Variants in TSKS observed in about 807,000 individuals in gnomAD.
TSKS encodes testis specific serine kinase substrate.
TSKS carries 27 observed loss-of-function variants against 68.0 expected under a neutral mutation model. The ratio of observed to expected loss-of-function variants is 0.40; its 90% CI spans 0.29 to 0.55. The LOEUF (loss-of-function observed/expected upper bound fraction) is 0.55, where lower values mean the gene tolerates loss of function less well. TSKS is among the 20% of genes least tolerant of loss of function. The pLI is 0.53. For synonymous variants in TSKS, 331 were observed against 340.4 expected (o/e 0.97, Z 0.30); for missense variants, 806 against 776.0 (o/e 1.04, Z -0.46).
chr19:49,759,468 C>CAAA lies in TSKS; in HGVS notation c.399+2533_399+2535dup, dbSNP rs557013917. 6.9e-3 allele frequency among the ~76,000 whole-genome samples: 730 copies of CAAA among 105,436 alleles called. 10 individuals carry two copies. Among genetic ancestry groups the CAAA allele is most frequent in the African/African-American group, 0.023 (676 of 28,910 alleles). The allele number at this position is 105,436 out of a possible 152,430, so 69.2% of individuals were successfully genotyped here. On this transcript the variant is annotated intron_variant, in intron 2 of 10. Transcript: ENST00000246801. ...TGGCAACAGAGCGAGACTCCATTTC[C>CAAA]AAAAAAAAAAAAAAAAAATTACCTG... is the stretch of plus-strand genomic sequence containing the variant.
intron 6 of TSKS, 96 bp downstream of exon 6, chr19:49,746,374 C>T (rs1197481647): frequency 3.5e-6 from 5 of 1,439,990 alleles, no homozygotes; most frequent in East Asian, 2.4e-5. Flanking sequence ...TGAGAACCCC[C>T]GTCCCTTGGG....
In TSKS at chr19:49,762,167, C is replaced by T; in HGVS notation, c.236G>A (p.Cys79Tyr). The T allele has an allele frequency of 6.2e-7, 1 of 1,614,080 alleles. No individual in the cohort carries two copies. The highest frequency in any genetic ancestry group is 8.5e-7 in the Non-Finnish European group (1 of 1,180,024). Residue 79 changes from cysteine (C) to tyrosine (Y), a missense_variant, in exon 2 of 11, where the codon TGC becomes TAC. Cys to Tyr is a radical substitution (Grantham distance 194, BLOSUM62 -2). Transcript: ENST00000246801. Reference protein sequence around the residue: ...WCLNLKRSSACTNVSLLNLAA... With the variant: ...WCLNLKRSSAYTNVSLLNLAA... ...CAGGTTGAGCAGTGACACGTTGGTG[C>T]AGGCCGAGGACCGTTTGAGGTTCAG...
chr19:49,754,566 A>G (rs1279460835), intron 2 of TSKS, among the ~76,000 whole-genome samples: 2 of 152,160 alleles, frequency 1.3e-5, no homozygotes, highest in African/African-American at 4.8e-5. Context: ...AAAGAAAAAA[A>G]ACTATGGCCT....
chr19:49,744,093 G>A (rs2084275455), intron 8 of TSKS, 138 bp downstream of exon 8: 1 of 840,196 alleles, frequency 1.2e-6, no homozygotes, highest in Non-Finnish European at 1.9e-6. Context: ...AGCAGGACCG[G>A]CTGTTTCTAC....
Position 49,744,323 on chromosome 19 carries a change from C to A in TSKS, c.1269G>T (p.Glu423Asp), listed in dbSNP as rs150822760. 1.2e-6 allele frequency: 2 copies of A among 1,614,142 alleles called. No individual in the cohort carries two copies. The highest frequency in any genetic ancestry group is 1.7e-6 in the Non-Finnish European group (2 of 1,180,024). Reference protein sequence around the residue: ...GLGPLKPILEEFGRQFQNSRR... With the variant: ...GLGPLKPILEDFGRQFQNSRR... ...GAGAGTTCTGAAATTGCCGCCCGAA[C>A]TCCTCCAGAATGGGTTTCAGTGGGC... The change falls in exon 8 of 11, where the codon GAG (glutamate) becomes GAT (aspartate). Residue 423 changes from glutamate to aspartate, a missense_variant. Glu to Asp is a conservative substitution (Grantham distance 45). Transcript: ENST00000246801.
chr19:49,747,565 T>G, intron 4 of TSKS, 93 bp from the exon 5 acceptor site: 1 of 1,271,524 alleles, frequency 7.9e-7, no homozygotes, highest in Non-Finnish European at 1.1e-6. Context: ...GCTCCAGGCC[T>G]CCTAGCCCCC....
rs115871808 is a variant in TSKS, at chr19:49,748,069, C to T, written c.579+16G>A. 2,543 of 1,612,538 alleles carry T rather than the reference C, an allele frequency of 1.6e-3. 37 individuals carry two copies. The African/African-American group carries it at 0.028, about 18-fold the overall frequency. On this transcript the variant is annotated intron_variant, in intron 4 of 10. Transcript: ENST00000246801. ...ATTCCCCTCTCCCCATCCATTCCTG[C>T]GTCCCACTGGCTCACCTTGAGTTGA...
intron 2 of TSKS, among the ~76,000 whole-genome samples, chr19:49,752,398 A>C (rs962820000): frequency 4.6e-5 from 7 of 151,898 alleles, no homozygotes; most frequent in Non-Finnish European, 1.0e-4. Flanking sequence ...AAAAAAAAAA[A>C]AAAAACTTGT....
intron 2 of TSKS, among the ~76,000 whole-genome samples, chr19:49,761,590 G>A (rs1044639043): frequency 2.6e-5 from 4 of 152,150 alleles, no homozygotes; most frequent in Non-Finnish European, 4.4e-5. Context: ...CACCAGACTG[G>A]GAGCTCCCCA....
rs548654975 is a variant in TSKS, at chr19:49,740,123, G to C, written c.1558C>G (p.Arg520Gly). 1 of 1,614,156 alleles carries C rather than the reference G, an allele frequency of 6.2e-7. No homozygotes were observed. Among genetic ancestry groups the C allele is most frequent in the Admixed American group, 1.7e-5 (1 of 60,010 alleles). The change falls in exon 10 of 11, where the codon CGG becomes GGG. Residue 520 changes from arginine (R) to glycine (G), a missense_variant. Physicochemically the swap from Arg to Gly is moderately radical, Grantham distance 125. Coordinates refer to ENST00000246801, the MANE Select transcript of TSKS (RefSeq NM_021733.2). ...CGCAGGGCCTCGTCTTGGGCCAGCC[G>C]AAGGGTGGAGCTCAGGGCCTCTGCC... ...VRAEALSSTLRLAQDEALRAK... is the reference protein window; with the variant it reads ...VRAEALSSTLGLAQDEALRAK...
chr19:49,740,172 G>T lies in TSKS; in HGVS notation c.1509C>A (p.Arg503=). 1.2e-6 allele frequency: 2 copies of T among 1,612,908 alleles called. No homozygotes were observed. Among genetic ancestry groups the T allele is most frequent in the Non-Finnish European group, 1.7e-6 (2 of 1,179,796 alleles). The change falls in exon 10 of 11, where the codon CGC becomes CGA. Residue 503 remains arginine (R), a synonymous_variant. Coordinates refer to ENST00000246801, the MANE Select transcript of TSKS (RefSeq NM_021733.2). Reference sequence around the variant, plus strand: ...CCCTGACGTGTTTGGCTAAGGCCTGGCGCTCCAGCTCCTGGGGAGAGGAGC... The same window carrying T: ...CCCTGACGTGTTTGGCTAAGGCCTGTCGCTCCAGCTCCTGGGGAGAGGAGC... ...RLHKKILELE[R]QALAKHVRAE...
chr19:49,745,460 CGA>C, intron 6 of TSKS, 64 bp from the exon 7 acceptor site: 1 of 1,347,824 alleles, frequency 7.4e-7, no homozygotes, highest in East Asian at 2.6e-5. Flanking sequence ...CCTACCCCCA[CGA>C]GATAGGTGGG....
Position 49,745,085 on chromosome 19 carries a change from T to A in TSKS, c.1187+117A>T, listed in dbSNP as rs2123604131. The stretch of plus-strand genomic sequence containing the variant: ...ATTGGTGTTTCCCGATGTCGGTATA[T>A]GTTCCGGAATGCCTGGCCATAGCTG... On this transcript the variant is annotated intron_variant, in intron 7 of 10. Coordinates refer to ENST00000246801, the MANE Select transcript of TSKS (RefSeq NM_021733.2). 3 of 1,006,056 alleles carry A rather than the reference T, an allele frequency of 3.0e-6. No homozygotes were observed. In the East Asian group the frequency reaches 8.0e-5, roughly 27 times the overall value. The allele number at this position is 1,006,056 out of a possible 1,614,324, so 62.3% of individuals were successfully genotyped here. A position where few individuals can be genotyped will look rare whatever the true frequency, so the allele number is the denominator to read the frequency against.
chr19:49,742,496 C>CTTTTTT (rs978089309), intron 8 of TSKS, among the ~76,000 whole-genome samples: 3 of 101,218 alleles, frequency 3.0e-5, no homozygotes, highest in Admixed American at 1.1e-4. Context: ...GGGCCCGGCC[C>CTTTTTT]TTTTTTTTTT....
In TSKS at chr19:49,741,972, T is replaced by C; in HGVS notation, c.1410A>G (p.Arg470=). Residue 470 remains arginine (R), a synonymous_variant, in exon 9 of 11, where the codon CGA becomes CGG. Coordinates refer to ENST00000246801, the MANE Select transcript of TSKS (RefSeq NM_021733.2). ...CCTCGTCCACTAGTGAGGTCAGTGCTCGGTCCAGCAGCTGCTGCAGGGACT... is the reference window on the plus strand; with the variant it reads ...CCTCGTCCACTAGTGAGGTCAGTGCCCGGTCCAGCAGCTGCTGCAGGGACT... ...STESLQQLLD[R]ALTSLVDEVK... is the part of the protein sequence containing the mutation. The C allele has an allele frequency of 6.2e-7, 1 of 1,614,154 alleles. No individual in the cohort carries two copies. The highest frequency in any genetic ancestry group is 8.5e-7 in the Non-Finnish European group (1 of 1,180,028).
chr19:49,750,269 T>A (rs1486905316), intron 2 of TSKS, among the ~76,000 whole-genome samples: 1 of 151,854 alleles, frequency 6.6e-6, no homozygotes, highest in African/African-American at 2.4e-5. Flanking sequence ...ATTCTTTTTT[T>A]TTTTTTTTTT....
At chr19:49,747,522 C>G in intron 4 of TSKS, 50 bp from the exon 5 acceptor site, 1 of 1,586,498 alleles carries the variant, frequency 6.3e-7, no homozygotes, top group Non-Finnish European at 8.7e-7. Context: ...CCAGTTCTGC[C>G]TCCCAACCCT....
At chr19:49,744,068 T>A (rs1022098919) in intron 8 of TSKS, among the ~76,000 whole-genome samples, 163 bp downstream of exon 8, 1 of 152,166 alleles carries the variant, frequency 6.6e-6, no homozygotes, top group Non-Finnish European at 1.5e-5. Flanking sequence ...TGGGAACAAA[T>A]GAGGCTTCTA....
chr19:49,761,981 C>A (rs368935285), intron 2 of TSKS, 23 bp downstream of exon 2: 3 of 1,590,280 alleles, frequency 1.9e-6, no homozygotes, highest in South Asian at 2.2e-5. Context: ...TCCTCCCCAG[C>A]GGGTGGTGTG....
Sources: gnomAD v4.1 joint callset for allele counts (sites outside exome capture counted in the v4.1 genomes callset) on GRCh38, gnomAD v4.1.1 for gene constraint, MANE v1.5 for transcripts, NCBI Gene and HGNC (gene_info 2026-07-23, HGNC 2026-07-21) for gene names.